Variants in CYP4X1 observed in about 807,000 individuals in gnomAD.
CYP4X1 encodes the protein cytochrome P450 4X1.
CYP4X1 carries 44 observed loss-of-function variants against 57.9 expected under a neutral mutation model. The observed-to-expected ratio is 0.76, with a 90% CI of 0.60 to 0.98. The LOEUF is 0.98. Ranked by LOEUF, CYP4X1 falls within the 50% of genes least tolerant of loss-of-function variation. CYP4X1 has a pLI of 0.00. For missense variants in CYP4X1, 532 were observed against 623.9 expected (o/e 0.85, Z 1.57); for synonymous variants, 227 against 228.6 (o/e 0.99, Z 0.06).
chr1:46,976,197 G>A, the CYP4X1 span, among the ~76,000 whole-genome samples: 2 of 152,128 alleles, frequency 1.3e-5, no homozygotes, highest in Admixed American at 1.3e-4. Context: ...TCCTAGCCAA[G>A]GGAAGCCGTG....
At chr1:46,990,640 A>G in the CYP4X1 span, among the ~76,000 whole-genome samples, 1 of 152,186 alleles carries the variant, frequency 6.6e-6, no homozygotes, top group African/African-American at 2.4e-5. Flanking sequence ...GCAAAGACTT[A>G]GGACCAACCC....
At chr1:47,017,064 T>C in the CYP4X1 span, among the ~76,000 whole-genome samples, 2 of 152,218 alleles carry the variant, frequency 1.3e-5, no homozygotes, top group African/African-American at 2.4e-5. Flanking sequence ...TAGTACTCCA[T>C]TGTGTATTTA....
At chr1:46,992,753 G>T in the CYP4X1 span, among the ~76,000 whole-genome samples, 1 of 152,212 alleles carries the variant, frequency 6.6e-6, no homozygotes, top group East Asian at 1.9e-4. Flanking sequence ...CAATTCTTTT[G>T]GTTATATAGC....
chr1:46,971,754 T>G, the CYP4X1 span, among the ~76,000 whole-genome samples: 1 of 152,198 alleles, frequency 6.6e-6, no homozygotes, highest in Non-Finnish European at 1.5e-5. Flanking sequence ...CCTTTGCTGA[T>G]TTTTTAATGG....
intron 8 of CYP4X1, among the ~76,000 whole-genome samples, chr1:47,040,681 A>G (rs150777858): frequency 1.7e-3 from 259 of 152,112 alleles, no homozygotes; most frequent in African/African-American, 5.9e-3. Flanking sequence ...TTATATATAT[A>G]TGTATGTGTG....
intron 1 of CYP4X1, among the ~76,000 whole-genome samples, chr1:47,028,446 C>T (rs1644092864): frequency 1.3e-5 from 2 of 152,132 alleles, no homozygotes; most frequent in African/African-American, 4.8e-5. Context: ...TTAGCAGCAC[C>T]TAGTTCATAG....
intron 1 of CYP4X1, 96 bp downstream of exon 1, chr1:47,024,090 C>G: frequency 1.4e-6 from 2 of 1,427,594 alleles, no homozygotes; most frequent in Non-Finnish European, 1.9e-6. Flanking sequence ...TTTCTTCCAT[C>G]CCTGGGGACC....
At chr1:46,981,096 C>G in the CYP4X1 span, among the ~76,000 whole-genome samples, 3 of 152,044 alleles carry the variant, frequency 2.0e-5, no homozygotes, top group Non-Finnish European at 4.4e-5. Flanking sequence ...ACTAAAACAC[C>G]AAAAGCAATG....
chr1:47,048,540 C>A, intron 9 of CYP4X1, 25 bp from the exon 10 acceptor site: 1 of 1,613,542 alleles, frequency 6.2e-7, no homozygotes, highest in South Asian at 1.1e-5. Flanking sequence ...CTCCTGCAGT[C>A]TCTTTTATTT....
At chr1:46,968,428 A>G in the CYP4X1 span, among the ~76,000 whole-genome samples, 1 of 152,034 alleles carries the variant, frequency 6.6e-6, no homozygotes, top group African/African-American at 2.4e-5. Context: ...CCAGCCCTCC[A>G]TGGACTGTTG....
chr1:47,037,850 T>A (rs936081249), intron 6 of CYP4X1, among the ~76,000 whole-genome samples: 3 of 152,232 alleles, frequency 2.0e-5, no homozygotes, highest in Admixed American at 2.0e-4. Flanking sequence ...TTCCTATATA[T>A]GGTGTGAGGT....
the CYP4X1 span, among the ~76,000 whole-genome samples, chr1:46,994,878 T>C: frequency 6.6e-6 from 1 of 152,226 alleles, no homozygotes; most frequent in Non-Finnish European, 1.5e-5. Context: ...ATTTACTGAA[T>C]GTTCAAAACA....
the CYP4X1 span, among the ~76,000 whole-genome samples, chr1:46,968,564 C>T: frequency 3.3e-5 from 5 of 152,220 alleles, no homozygotes; most frequent in Admixed American, 6.5e-5. Context: ...CTGCCTCTCA[C>T]CTTCTGCTGG....
downstream of CYP4X1, among the ~76,000 whole-genome samples, chr1:47,052,716 A>G (rs1366345786): frequency 2.6e-5 from 4 of 152,186 alleles, no homozygotes; most frequent in Non-Finnish European, 5.9e-5. Context: ...GGGAAAACAA[A>G]TTGTGTTTGC....
the CYP4X1 span, among the ~76,000 whole-genome samples, chr1:46,975,615 C>T: frequency 2.0e-5 from 3 of 152,000 alleles, no homozygotes; most frequent in East Asian, 1.9e-4. Flanking sequence ...TTGTGTTGAC[C>T]GTGGACAACC....
chr1:47,054,302 T>C (rs1475766079), downstream of CYP4X1, among the ~76,000 whole-genome samples: 1 of 152,186 alleles, frequency 6.6e-6, no homozygotes, highest in Non-Finnish European at 1.5e-5. Flanking sequence ...ACCAGTACCA[T>C]GCTGTTTTGG....
chr1:46,975,101 G>A, the CYP4X1 span, among the ~76,000 whole-genome samples: 7 of 152,246 alleles, frequency 4.6e-5, no homozygotes, highest in Middle Eastern at 6.8e-3. Flanking sequence ...TTAAGTGTAT[G>A]ATTGAGTTAT....
the CYP4X1 span, among the ~76,000 whole-genome samples, chr1:46,992,080 G>A: frequency 1.3e-5 from 2 of 152,254 alleles, no homozygotes; most frequent in East Asian, 3.9e-4. Flanking sequence ...GCCATGGTGG[G>A]CAGATCACCT....
chr1:47,000,345 G>T, the CYP4X1 span, among the ~76,000 whole-genome samples: 2 of 152,080 alleles, frequency 1.3e-5, no homozygotes, highest in Admixed American at 6.5e-5. Context: ...CTCAGTGTCA[G>T]GTAGTATCTT....
Sources: allele counts gnomAD v4.1 joint callset (sites outside exome capture counted in the v4.1 genomes callset), GRCh38; gene constraint gnomAD v4.1.1; transcripts MANE v1.5; gene names NCBI Gene and HGNC (gene_info 2026-07-23, HGNC 2026-07-21).